Variants in DCDC2 observed in about 807,000 individuals in gnomAD.
DCDC2 encodes the protein doublecortin domain containing 2.
A neutral mutation model predicts 50.2 loss-of-function variants in DCDC2; 40 were observed. That is an observed-to-expected ratio of 0.80 (90% CI 0.62 to 1.04). The LOEUF is 1.04. Among genes scored for constraint, DCDC2 ranks in the 50% least tolerant of loss-of-function variants. DCDC2 has a pLI of 0.00. For missense variants in DCDC2, 570 were observed against 581.9 expected, an observed-to-expected ratio of 0.98 and a Z score of 0.21; for synonymous variants, 234 against 210.6, an observed-to-expected ratio of 1.11 and a Z score of -0.96.
intron 2 of DCDC2, among the ~76,000 whole-genome samples, chr6:24,330,426 C>T (rs1388148696): frequency 6.6e-6 from 1 of 152,180 alleles, no homozygotes; most frequent in Admixed American, 6.5e-5. Context: ...GGTCAGGTCA[C>T]ATTGTACAAA....
chr6:24,201,235 T>C (rs75025541), intron 8 of DCDC2, among the ~76,000 whole-genome samples: 7 of 152,294 alleles, frequency 4.6e-5, no homozygotes, highest in African/African-American at 9.6e-5. Context: ...TATTCTAAAA[T>C]TGACCACTTA....
chr6:24,230,187 A>G (rs1360762310), intron 7 of DCDC2, among the ~76,000 whole-genome samples: 1 of 152,236 alleles, frequency 6.6e-6, no homozygotes. Flanking sequence ...GAAGTGAACA[A>G]AACAAGCCAA....
At chr6:24,236,913 G>A (rs780717385) in intron 7 of DCDC2, among the ~76,000 whole-genome samples, 3 of 152,068 alleles carry the variant, frequency 2.0e-5, no homozygotes, top group African/African-American at 4.8e-5. Context: ...GGGGGCTGAG[G>A]CATGAGAATC....
At chr6:24,215,467 G>A (rs539292918) in intron 7 of DCDC2, among the ~76,000 whole-genome samples, 20 of 152,230 alleles carry the variant, frequency 1.3e-4, no homozygotes, top group African/African-American at 4.8e-4. Context: ...ACAGAAGCAG[G>A]TGAAGATTCA....
At chr6:24,257,147 A>C (rs1762912351) in intron 7 of DCDC2, among the ~76,000 whole-genome samples, 1 of 152,184 alleles carries the variant, frequency 6.6e-6, no homozygotes, top group Admixed American at 6.5e-5. Flanking sequence ...AGGCCTTGTT[A>C]ATCTCTGTGC....
At chr6:24,242,674 A>G (rs1762589604) in intron 7 of DCDC2, among the ~76,000 whole-genome samples, 1 of 152,222 alleles carries the variant, frequency 6.6e-6, no homozygotes, top group Admixed American at 6.5e-5. Flanking sequence ...AGACAGGAAG[A>G]AAGATGGTTG....
At chr6:24,209,558 G>A (rs1761809904) in intron 7 of DCDC2, among the ~76,000 whole-genome samples, 1 of 152,066 alleles carries the variant, frequency 6.6e-6, no homozygotes, top group African/African-American at 2.4e-5. Context: ...GCCACACACT[G>A]CCCACCTGTG....
intron 8 of DCDC2, among the ~76,000 whole-genome samples, chr6:24,204,731 C>T (rs1761670832): frequency 6.6e-6 from 1 of 152,058 alleles, no homozygotes; most frequent in African/African-American, 2.4e-5. Flanking sequence ...TATCTCATAC[C>T]TAATCCCATC....
chr6:24,220,883 C>CGAGCGAGTGAGCGAGCGAGCGAGAGAGT (rs1762092478), intron 7 of DCDC2, among the ~76,000 whole-genome samples: 2 of 95,832 alleles, frequency 2.1e-5, no homozygotes, highest in East Asian at 5.6e-4. Flanking sequence ...AGAGCGAGAG[C>CGAGCGAGTGAGCGAGCGAGCGAGAGAGT]GAGAGAGTGA....
At chr6:24,251,038 A>G (rs1762782949) in intron 7 of DCDC2, among the ~76,000 whole-genome samples, 1 of 152,210 alleles carries the variant, frequency 6.6e-6, no homozygotes, top group African/African-American at 2.4e-5. Flanking sequence ...AGGAAAGGCA[A>G]TTTCTCAAAC....
chr6:24,258,998 G>C (rs73394056), intron 7 of DCDC2, among the ~76,000 whole-genome samples: 5,906 of 152,222 alleles, frequency 0.039, 339 homozygotes, highest in African/African-American at 0.13. Context: ...CTGTTCACAG[G>C]AATAGTCTTT....
chr6:24,189,923 T>A (rs955077369), intron 8 of DCDC2, among the ~76,000 whole-genome samples: 7 of 152,182 alleles, frequency 4.6e-5, no homozygotes, highest in African/African-American at 1.7e-4. Flanking sequence ...ACAGAAGTTA[T>A]CGTACTTGTT....
At chr6:24,323,393 T>C (rs1190661356) in intron 2 of DCDC2, among the ~76,000 whole-genome samples, 1 of 152,080 alleles carries the variant, frequency 6.6e-6, no homozygotes, top group African/African-American at 2.4e-5. Flanking sequence ...GAAAAAAATA[T>C]CAGTGGGAAA....
intron 8 of DCDC2, among the ~76,000 whole-genome samples, chr6:24,198,036 A>T (rs1422527030): frequency 6.6e-6 from 1 of 152,138 alleles, no homozygotes; most frequent in Admixed American, 6.5e-5. Context: ...ACACACACAC[A>T]ACTCCTAGAA....
At chr6:24,252,600 C>T (rs958368595) in intron 7 of DCDC2, among the ~76,000 whole-genome samples, 3 of 152,018 alleles carry the variant, frequency 2.0e-5, no homozygotes, top group African/African-American at 4.8e-5. Context: ...AGCAAGAGGG[C>T]AAAGAGATTT....
At chr6:24,360,973 A>G (rs1760656313), upstream of DCDC2, among the ~76,000 whole-genome samples, 1 of 152,178 alleles carries the variant, frequency 6.6e-6, no homozygotes, top group Non-Finnish European at 1.5e-5. Flanking sequence ...AAAGAGAGAG[A>G]GAGAGTTCAA....
upstream of DCDC2, among the ~76,000 whole-genome samples, chr6:24,361,963 G>A (rs1191650415): frequency 6.6e-6 from 1 of 152,108 alleles, no homozygotes; most frequent in South Asian, 2.1e-4. Flanking sequence ...TTAATTCATA[G>A]CATTTGCCAA....
chr6:24,198,882 G>A (rs549473863), intron 8 of DCDC2, among the ~76,000 whole-genome samples: 12 of 152,288 alleles, frequency 7.9e-5, no homozygotes, highest in Middle Eastern at 6.8e-3. Context: ...CAGTGTAAAC[G>A]AAGCCACGGG....
intron 8 of DCDC2, among the ~76,000 whole-genome samples, chr6:24,203,403 T>C (rs79519320): frequency 6.6e-6 from 1 of 152,138 alleles, no homozygotes; most frequent in South Asian, 2.1e-4. Flanking sequence ...CCCTATGTAA[T>C]AAATGGCGTT....
Sources: gnomAD v4.1 joint callset for allele counts (sites outside exome capture counted in the v4.1 genomes callset) on GRCh38, gnomAD v4.1.1 for gene constraint, MANE v1.5 for transcripts, NCBI Gene and HGNC (gene_info 2026-07-23, HGNC 2026-07-21) for gene names.